IFI16: variants seen among roughly 807,000 people sequenced by gnomAD.
IFI16 encodes the protein interferon gamma inducible protein 16.
Under a neutral mutation model 68.4 loss-of-function variants are expected in IFI16, and 49 were observed. That is an observed-to-expected ratio of 0.72 (90% CI 0.57 to 0.91). The LOEUF is 0.91. IFI16 is among the 40% of genes least tolerant of loss of function. IFI16 has a pLI of 0.00. For synonymous variants in IFI16, 307 were observed against 315.0 expected (o/e 0.97, Z 0.27); for missense variants, 878 against 942.9 (o/e 0.93, Z 0.90).
At position 159,016,718 on chromosome 1, in the gene IFI16, C is replaced by G; in HGVS notation, c.549+18C>G. ...CAACTGAGGTACACTCTTCCTGGTC[C>G]CATTTTGCTTTGTTTTTTTCAACCC... On this transcript the variant is annotated intron_variant, in intron 4 of 11. Coordinates refer to ENST00000295809, the MANE Select transcript of IFI16 (RefSeq NM_001376587.1). 1 of 1,595,700 alleles carries G rather than the reference C, an allele frequency of 6.3e-7. No homozygotes were observed. Among genetic ancestry groups the G allele is most frequent in the Non-Finnish European group, 8.5e-7 (1 of 1,171,414 alleles).
Position 159,026,423 on chromosome 1 carries a change from C to A in IFI16, c.1161+5894C>A, listed in dbSNP as rs553708681. Among the ~76,000 whole-genome samples, 278 of 151,938 alleles carry A rather than the reference C, an allele frequency of 1.8e-3. 2 individuals are homozygous for A. The highest frequency in any genetic ancestry group is 5.8e-3 in the African/African-American group (242 of 41,412). ...AAGCGATTCTCCTGCCTCAGCCTCTCGAGTAGCTGGGATTACAGGTGCTTG... is the reference window on the plus strand; with the variant it reads ...AAGCGATTCTCCTGCCTCAGCCTCTAGAGTAGCTGGGATTACAGGTGCTTG... On this transcript the variant is annotated intron_variant, in intron 6 of 11. Coordinates refer to ENST00000295809, the MANE Select transcript of IFI16 (RefSeq NM_001376587.1).
upstream of IFI16, among the ~76,000 whole-genome samples, chr1:159,007,037 GA>G (rs1231610215): frequency 6.6e-6 from 1 of 152,040 alleles, no homozygotes; most frequent in Non-Finnish European, 1.5e-5. Flanking sequence ...ATAATACAGA[GA>G]AAAATGGAAG....
chr1:159,024,808 T>C (rs113283073), intron 6 of IFI16, among the ~76,000 whole-genome samples: 2 of 152,254 alleles, frequency 1.3e-5, no homozygotes, highest in African/African-American at 2.4e-5. Flanking sequence ...GAAAAAAATA[T>C]ATAAAAGATG....
At chr1:159,003,868 G>A (rs1444006741), upstream of IFI16, among the ~76,000 whole-genome samples, 2 of 151,866 alleles carry the variant, frequency 1.3e-5, no homozygotes, top group Non-Finnish European at 2.9e-5. Flanking sequence ...CACTGTGTTA[G>A]CCAGGATGGT....
chr1:159,032,395 A>G, intron 6 of IFI16, 129 bp from the exon 7 acceptor site: 1 of 545,194 alleles, frequency 1.8e-6, no homozygotes, highest in East Asian at 3.3e-5. Flanking sequence ...GGGATACATT[A>G]GAGAGAGACC....
Position 159,051,982 on chromosome 1 carries a change from C to G in IFI16, c.1969C>G (p.Arg657Gly), listed in dbSNP as rs747530999. 1 of 1,613,934 alleles carries G rather than the reference C, an allele frequency of 6.2e-7. No homozygotes were observed. The highest frequency in any genetic ancestry group is 8.5e-7 in the Non-Finnish European group (1 of 1,179,928). Residue 657 changes from arginine (R) to glycine (G), a missense_variant, in exon 10 of 12, where the codon CGA (arginine) becomes GGA (glycine). This residue lies in a region of IFI16 where 311 missense variants were observed against 305.1 expected (regional missense o/e 1.02). Coordinates refer to ENST00000295809, the MANE Select transcript of IFI16 (RefSeq NM_001376587.1). ...FTLVADVNAD[R>G]NMEIPKGLIR... ...ACTTGTGGCTGATGTGAATGCTGAC[C>G]GAAACATGGAGATCCCAAAAGGATT... is the stretch of plus-strand genomic sequence containing the variant.
upstream of IFI16, among the ~76,000 whole-genome samples, chr1:159,005,512 G>A (rs930180539): frequency 3.9e-5 from 6 of 152,168 alleles, no homozygotes; most frequent in African/African-American, 1.4e-4. Flanking sequence ...CCAAAGTAAA[G>A]AGGTCATCCC....
chr1:159,031,359 C>A (rs1410430147), intron 6 of IFI16, among the ~76,000 whole-genome samples: 1 of 152,176 alleles, frequency 6.6e-6, no homozygotes, highest in South Asian at 2.1e-4. Flanking sequence ...TGGGTTCTGT[C>A]CAGGAAATTT....
intron 9 of IFI16, among the ~76,000 whole-genome samples, chr1:159,050,434 G>T (rs1655276408): frequency 6.6e-6 from 1 of 152,148 alleles, no homozygotes; most frequent in South Asian, 2.1e-4. Flanking sequence ...CTATTGTGAG[G>T]TGATTTGATA....
rs1022105858 is a variant in IFI16 at position 159,022,502 on chromosome 1, G to A, written c.1161+1973G>A. On this transcript the variant is annotated intron_variant, in intron 6 of 11. Coordinates refer to ENST00000295809, the MANE Select transcript of IFI16 (RefSeq NM_001376587.1). ...GCGTTCGGTTTCCATTGGCTGGGAC[G>A]GGACCTCACCTTCTGTATTTGTCCC... is the stretch of plus-strand genomic sequence containing the variant. Among the ~76,000 whole-genome samples, 5 of 152,136 alleles carry A rather than the reference G, an allele frequency of 3.3e-5. No homozygotes were observed. In the East Asian group the frequency reaches 5.8e-4, roughly 18 times the overall value.
intron 8 of IFI16, among the ~76,000 whole-genome samples, chr1:159,045,881 A>G (rs982067738): frequency 1.3e-5 from 2 of 151,252 alleles, no homozygotes; most frequent in Non-Finnish European, 3.0e-5. Flanking sequence ...AGCAAAAATA[A>G]TTAATTTTTA....
intron 6 of IFI16, among the ~76,000 whole-genome samples, chr1:159,022,661 T>C (rs1049095056): frequency 2.0e-5 from 3 of 152,256 alleles, no homozygotes; most frequent in Non-Finnish European, 4.4e-5. Context: ...TATGACCTAA[T>C]GCTTGCTTGG....
chr1:159,049,666 T>G, intron 9 of IFI16, 67 bp downstream of exon 9: 1 of 1,593,342 alleles, frequency 6.3e-7, no homozygotes, highest in Non-Finnish European at 8.6e-7. Context: ...AACACAACCG[T>G]GAAAGCACCT....
At chr1:159,053,509 A>G (rs751896464) in intron 10 of IFI16, 24 bp from the exon 11 acceptor site, 7 of 1,474,128 alleles carry the variant, frequency 4.7e-6, no homozygotes, top group Non-Finnish European at 6.6e-6. Flanking sequence ...GTTTCAGAAG[A>G]TAAGTGTTAA....
intron 1 of IFI16, among the ~76,000 whole-genome samples, chr1:159,000,563 C>T (rs565742733): frequency 6.6e-6 from 1 of 152,158 alleles, no homozygotes; most frequent in African/African-American, 2.4e-5. Flanking sequence ...AAATGGGATC[C>T]ATTTTCCTGT....
intron 7 of IFI16, among the ~76,000 whole-genome samples, chr1:159,037,097 A>G (rs1013661490): frequency 2.6e-5 from 4 of 152,192 alleles, no homozygotes; most frequent in Non-Finnish European, 4.4e-5. Context: ...CTTCTCTGCT[A>G]TTTCAAGGAC....
chr1:159,043,623 GTTCT>G (rs1197004182), intron 7 of IFI16, among the ~76,000 whole-genome samples: 1 of 152,106 alleles, frequency 6.6e-6, no homozygotes, highest in Non-Finnish European at 1.5e-5. Context: ...CTATAATAGA[GTTCT>G]TTCTGACTTT....
rs371364809 is a variant in IFI16, at chr1:159,020,411, C to G, written c.1043C>G (p.Thr348Arg). The G allele has an allele frequency of 8.7e-6, 14 of 1,612,484 alleles. No individual in the cohort carries two copies. The highest frequency in any genetic ancestry group is 1.1e-5 in the Non-Finnish European group (13 of 1,178,610). Residue 348 changes from threonine to arginine, a missense_variant, in exon 6 of 12, where the codon ACA becomes AGA. Thr to Arg is a moderately conservative substitution (Grantham distance 71, BLOSUM62 -1). Around this residue, in one of 4 missense-constraint regions of IFI16, gnomAD observed 443 missense variants for 421.8 expected, o/e 1.05. Coordinates refer to ENST00000295809, the MANE Select transcript of IFI16 (RefSeq NM_001376587.1). Reference sequence around the variant, plus strand: ...AGAGGAAAAATGGATGTAGTGGGGACAGGACAATGTCACAATATCCCCTGT... The same window carrying G: ...AGAGGAAAAATGGATGTAGTGGGGAGAGGACAATGTCACAATATCCCCTGT... The part of the protein sequence containing the change: ...DDRGKMDVVG[T>R]GQCHNIPCEE...
chr1:159,000,722 T>A (rs1652026567), intron 1 of IFI16, among the ~76,000 whole-genome samples: 1 of 152,194 alleles, frequency 6.6e-6, no homozygotes, highest in Non-Finnish European at 1.5e-5. Flanking sequence ...TTTGGAATCA[T>A]ATGGTTTGGA....
Sources: gnomAD v4.1 joint callset for allele counts (sites outside exome capture counted in the v4.1 genomes callset) on GRCh38, gnomAD v4.1.1 for gene constraint, gnomAD v4.1.1 regional missense constraint, MANE v1.5 for transcripts, NCBI Gene and HGNC (gene_info 2026-07-23, HGNC 2026-07-21) for gene names.